The following AKR1C8 variants were observed in gnomAD, a reference collection of about 807,000 sequenced individuals.
AKR1C8 encodes aldo-keto reductase family 1 member C-like protein 1.
the AKR1C8 span, chr10:5,163,075 C>A: frequency 2.1e-6 from 1 of 470,650 alleles, no homozygotes; most frequent in Non-Finnish European, 4.4e-6. Context: ...AAAATCAATG[C>A]ATTTCCCCCA....
At chr10:5,137,188 C>T in the AKR1C8 span, among the ~76,000 whole-genome samples, 1 of 152,078 alleles carries the variant, frequency 6.6e-6, no homozygotes, top group South Asian at 2.1e-4. Context: ...GGAGTCCATT[C>T]CAAGATGGCT....
chr10:5,123,932 T>C, the AKR1C8 span: 2 of 1,138,242 alleles, frequency 1.8e-6, no homozygotes, highest in African/African-American at 1.6e-5. Flanking sequence ...AGCATCAAAT[T>C]TGAACTGACA....
chr10:5,174,144 C>T, the AKR1C8 span, among the ~76,000 whole-genome samples: 1 of 151,750 alleles, frequency 6.6e-6, no homozygotes, highest in African/African-American at 2.4e-5. Context: ...TGCACATTTT[C>T]CTAGCCCTGT....
At chr10:5,174,506 ACTT>A in the AKR1C8 span, among the ~76,000 whole-genome samples, 2 of 138,640 alleles carry the variant, frequency 1.4e-5, no homozygotes, top group African/African-American at 5.2e-5. Flanking sequence ...ATTGCAAACT[ACTT>A]CTTTGACCTT....
the AKR1C8 span, among the ~76,000 whole-genome samples, chr10:5,175,767 A>C: frequency 6.6e-6 from 1 of 152,110 alleles, no homozygotes; most frequent in Non-Finnish European, 1.5e-5. Context: ...TGGCTGCATA[A>C]ATGTCTTCTT....
the AKR1C8 span, among the ~76,000 whole-genome samples, chr10:5,182,908 C>CAA: frequency 7.0e-4 from 93 of 132,082 alleles, no homozygotes; most frequent in African/African-American, 2.4e-3. Context: ...GACTCTGTCT[C>CAA]AAAAAAAAAA....
the AKR1C8 span, among the ~76,000 whole-genome samples, chr10:5,120,636 G>A: frequency 6.6e-6 from 1 of 152,008 alleles, no homozygotes; most frequent in African/African-American, 2.4e-5. Flanking sequence ...CATGAGGGAG[G>A]CCACAGATTT....
chr10:5,134,564 C>G, the AKR1C8 span, among the ~76,000 whole-genome samples: 2 of 152,082 alleles, frequency 1.3e-5, no homozygotes, highest in Non-Finnish European at 2.9e-5. Flanking sequence ...CTAGTTTTTT[C>G]TTAAAGTTAT....
the AKR1C8 span, among the ~76,000 whole-genome samples, chr10:5,146,256 G>T: frequency 6.6e-6 from 1 of 151,224 alleles, no homozygotes; most frequent in Admixed American, 6.6e-5. Flanking sequence ...GCTAGATGAC[G>T]AGTTAGTGGG....
the AKR1C8 span, chr10:5,154,493 G>T: frequency 3.7e-6 from 1 of 267,332 alleles, no homozygotes; most frequent in African/African-American, 2.2e-5. Flanking sequence ...TGACATTAAA[G>T]AGTACCTTCT....
the AKR1C8 span, chr10:5,162,084 A>C: frequency 2.4e-6 from 1 of 408,712 alleles, no homozygotes; most frequent in Non-Finnish European, 4.9e-6. Flanking sequence ...TGTGGTCCAA[A>C]GCTAAAAGAG....
the AKR1C8 span, among the ~76,000 whole-genome samples, chr10:5,167,463 T>G: frequency 0.2 from 31,078 of 152,044 alleles, 4,041 homozygotes; most frequent in East Asian, 0.64. Flanking sequence ...CATAAAAAAT[T>G]ATAAGTTCAT....
At chr10:5,181,634 A>G in the AKR1C8 span, among the ~76,000 whole-genome samples, 3 of 152,218 alleles carry the variant, frequency 2.0e-5, no homozygotes, top group Non-Finnish European at 4.4e-5. Flanking sequence ...TCCTCAAGTT[A>G]TATTTCAGTA....
At chr10:5,162,297 G>C in the AKR1C8 span, among the ~76,000 whole-genome samples, 1 of 152,190 alleles carries the variant, frequency 6.6e-6, no homozygotes, top group Non-Finnish European at 1.5e-5. Context: ...AGGGAGAACA[G>C]AATCTCTTGT....
the AKR1C8 span, among the ~76,000 whole-genome samples, chr10:5,149,790 T>C: frequency 6.6e-6 from 1 of 152,276 alleles, no homozygotes; most frequent in East Asian, 1.9e-4. Flanking sequence ...CTTATTAAAC[T>C]TATGTGAATA....
At chr10:5,122,970 C>T in the AKR1C8 span, among the ~76,000 whole-genome samples, 1 of 152,068 alleles carries the variant, frequency 6.6e-6, no homozygotes, top group Admixed American at 6.5e-5. Context: ...CTAGAGAACA[C>T]CTAATCCAAC....
chr10:5,144,665 G>T, the AKR1C8 span, among the ~76,000 whole-genome samples: 1 of 151,976 alleles, frequency 6.6e-6, no homozygotes. Flanking sequence ...TCATGATTTG[G>T]CTCTCTGTCT....
At chr10:5,161,348 C>T in the AKR1C8 span, among the ~76,000 whole-genome samples, 1 of 152,156 alleles carries the variant, frequency 6.6e-6, no homozygotes, top group Non-Finnish European at 1.5e-5. Flanking sequence ...AAGTGCTCAG[C>T]CAACGTCCAC....
chr10:5,176,291 T>G, the AKR1C8 span, among the ~76,000 whole-genome samples: 1 of 119,680 alleles, frequency 8.4e-6, no homozygotes, highest in East Asian at 2.0e-4. Context: ...TAGTTGTAGA[T>G]ATGCGGCATT....
Sources: gnomAD v4.1 joint callset for allele counts (sites outside exome capture counted in the v4.1 genomes callset) on GRCh38, gnomAD v4.1.1 for gene constraint, MANE v1.5 for transcripts, NCBI Gene and HGNC (gene_info 2026-07-23, HGNC 2026-07-21) for gene names.